Variants in ACLY observed in about 807,000 individuals in gnomAD.
The protein encoded by ACLY is ATP-citrate synthase.
In ACLY, 41 loss-of-function variants were observed where a neutral mutation model predicts 133.0. The observed-to-expected ratio is 0.31, with a 90% CI of 0.24 to 0.40. The LOEUF (loss-of-function observed/expected upper bound fraction) is 0.40, where lower values mean the gene tolerates loss of function less well. Ranked by LOEUF, ACLY falls within the 10% of genes least tolerant of loss-of-function variation. The pLI, the probability that ACLY is intolerant of heterozygous loss-of-function variation, is 1.00. For missense variants in ACLY, 1,046 were observed against 1,453.8 expected, an observed-to-expected ratio of 0.72 and a Z score of 4.56; for synonymous variants, 495 against 549.3, an observed-to-expected ratio of 0.90 and a Z score of 1.38.
intron 10 of ACLY, among the ~76,000 whole-genome samples, chr17:41,902,980 G>T (rs2049583086): frequency 6.6e-6 from 1 of 152,110 alleles, no homozygotes; most frequent in African/African-American, 2.4e-5. Context: ...GTAGAGATGA[G>T]ATCTCATTAT....
intron 11 of ACLY, among the ~76,000 whole-genome samples, chr17:41,900,046 G>C (rs2049483980): frequency 8.6e-6 from 1 of 116,494 alleles, no homozygotes. Context: ...TCCAGCCTGG[G>C]TGACAGAGTG....
At chr17:41,902,644 G>A (rs2049574532) in intron 10 of ACLY, among the ~76,000 whole-genome samples, 1 of 152,160 alleles carries the variant, frequency 6.6e-6, no homozygotes, top group African/African-American at 2.4e-5. Flanking sequence ...TGTCACCCAA[G>A]GCATTTTACA....
In ACLY at chr17:41,893,143, G is replaced by A. The variant is rs781990357; in HGVS notation, c.1491C>T (p.Thr497=). The change falls in exon 15 of 29, where the codon ACC becomes ACT. Residue 497 remains threonine, a synonymous_variant. Coordinates refer to ENST00000352035, the MANE Select transcript of ACLY (RefSeq NM_001096.3). ...GKSTTLFSRH[T]KAIVWGMQTR... ...TCTGCATGCCCCACACAATGGCCTT[G>A]GTGTGGCGGCTGAAGAGGGTGGTGC... The A allele has an allele frequency of 3.7e-6, 6 of 1,613,836 alleles. No homozygotes were observed. In the East Asian group the frequency reaches 1.1e-4, roughly 30 times the overall value.
At chr17:41,916,138 A>G (rs1395700516) in intron 1 of ACLY, among the ~76,000 whole-genome samples, 1 of 152,238 alleles carries the variant, frequency 6.6e-6, no homozygotes, top group African/African-American at 2.4e-5. Context: ...GAAGGGGGAT[A>G]GGAGAGAAGA....
intron 16 of ACLY, among the ~76,000 whole-genome samples, chr17:41,887,906 T>C (rs1555628561): frequency 6.6e-6 from 1 of 151,942 alleles, no homozygotes; most frequent in Non-Finnish European, 1.5e-5. Flanking sequence ...GGAGGGTGGA[T>C]CTTCTAAGGT....
At chr17:41,922,814 T>G (rs2050198201), upstream of ACLY, among the ~76,000 whole-genome samples, 1 of 152,180 alleles carries the variant, frequency 6.6e-6, no homozygotes, top group African/African-American at 2.4e-5. Flanking sequence ...AAAAAATAAC[T>G]GTCCAGAGAG....
chr17:41,879,709 G>A (rs1483086794), intron 20 of ACLY, among the ~76,000 whole-genome samples: 25 of 123,982 alleles, frequency 2.0e-4, no homozygotes, highest in Non-Finnish European at 3.1e-4. Flanking sequence ...TGGTGTCTGT[G>A]TCTTTTCTTT....
intron 22 of ACLY, among the ~76,000 whole-genome samples, chr17:41,875,384 G>T: frequency 6.8e-6 from 1 of 146,458 alleles, no homozygotes; most frequent in African/African-American, 2.5e-5. Context: ...GAGATACGTG[G>T]CTAAAGAAAT....
chr17:41,901,893 C>T (rs1211739639), intron 10 of ACLY, 80 bp from the exon 11 acceptor site: 17 of 1,125,616 alleles, frequency 1.5e-5, no homozygotes, highest in Non-Finnish European at 2.2e-5. Flanking sequence ...ACAAACATAC[C>T]AGGTATATGT....
At chr17:41,926,212 G>A (rs1196625041) in intron 1 of ACLY, among the ~76,000 whole-genome samples, 1 of 152,164 alleles carries the variant, frequency 6.6e-6, no homozygotes, top group East Asian at 1.9e-4. Context: ...ATAACATGAG[G>A]AACATAGCTA....
intron 3 of ACLY, 64 bp from the exon 4 acceptor site, chr17:41,910,348 G>A: frequency 1.4e-6 from 2 of 1,464,550 alleles, no homozygotes; most frequent in East Asian, 2.3e-5. Flanking sequence ...AGGGCAGAAG[G>A]AGGGACTGCA....
chr17:41,912,367 C>T, intron 3 of ACLY, 53 bp downstream of exon 3: 1 of 1,596,530 alleles, frequency 6.3e-7, no homozygotes, highest in Non-Finnish European at 8.6e-7. Context: ...CTGGAGGTGA[C>T]CATATTTGCT....
At chr17:41,882,944 A>G (rs1372105598) in intron 20 of ACLY, among the ~76,000 whole-genome samples, 178 bp downstream of exon 20, 1 of 152,196 alleles carries the variant, frequency 6.6e-6, no homozygotes, top group Non-Finnish European at 1.5e-5. Flanking sequence ...GTCTCCTCCA[A>G]CTGGATATAA....
At chr17:41,912,810 T>C (rs915939702) in intron 2 of ACLY, among the ~76,000 whole-genome samples, 15 of 152,222 alleles carry the variant, frequency 9.9e-5, no homozygotes, top group Non-Finnish European at 7.3e-5. Context: ...GCTGAGTGAA[T>C]AAGTGATTCT....
chr17:41,869,512 C>T lies in ACLY; in HGVS notation c.3013G>A (p.Asp1005Asn). 6 of 1,614,092 alleles carry T rather than the reference C, an allele frequency of 3.7e-6. No individual in the cohort carries two copies. The highest frequency in any genetic ancestry group is 5.1e-6 in the Non-Finnish European group (6 of 1,180,020). Residue 1005 changes from aspartate (D) to asparagine (N), a missense_variant, in exon 26 of 29, where the codon GAT becomes AAT. Asp to Asn is a conservative substitution (Grantham distance 23). Around this residue, in one of 4 missense-constraint regions of ACLY, gnomAD observed 205 missense variants for 373.3 expected, o/e 0.55. Transcript: ENST00000352035. ...ATCTTCTCTACTTCCAGTGCATAAT[C>T]GAGCAGAGGAGTGGCAGGGAAGTGC... is the stretch of plus-strand genomic sequence containing the variant. ...RQHFPATPLL[D>N]YALEVEKITT...
upstream of ACLY, among the ~76,000 whole-genome samples, chr17:41,920,869 C>T (rs1400918622): frequency 6.6e-6 from 1 of 152,124 alleles, no homozygotes; most frequent in Non-Finnish European, 1.5e-5. Flanking sequence ...CCAGACCAGC[C>T]TGGCCAACAG....
At chr17:41,893,299 T>C in intron 14 of ACLY, 125 bp from the exon 15 acceptor site, 1 of 1,109,174 alleles carries the variant, frequency 9.0e-7, no homozygotes, top group Non-Finnish European at 1.2e-6. Context: ...ATCACAACCG[T>C]AAAGGAATGT....
chr17:41,868,394 C>T (rs373026275), intron 28 of ACLY, among the ~76,000 whole-genome samples: 51 of 143,500 alleles, frequency 3.6e-4, no homozygotes, highest in African/African-American at 1.3e-3. Flanking sequence ...GCTGAGACCG[C>T]GCCACTGCAC....
intron 16 of ACLY, among the ~76,000 whole-genome samples, chr17:41,890,561 G>A (rs1341284964): frequency 3.3e-5 from 5 of 151,608 alleles, no homozygotes; most frequent in Admixed American, 6.6e-5. Context: ...GGTGGCAGGC[G>A]CCTGTAATCC....
Sources: allele counts gnomAD v4.1 joint callset (sites outside exome capture counted in the v4.1 genomes callset), GRCh38; gene constraint gnomAD v4.1.1; regional missense constraint gnomAD v4.1.1; transcripts MANE v1.5; gene names NCBI Gene and HGNC (gene_info 2026-07-23, HGNC 2026-07-21).